The following NRG1 variants were observed in gnomAD, a reference collection of about 807,000 sequenced individuals.
The protein encoded by NRG1 is pro-neuregulin-1, membrane-bound isoform.
In NRG1, 18 loss-of-function variants were observed where a neutral mutation model predicts 63.8. The ratio of observed to expected loss-of-function variants is 0.28; its 90% CI spans 0.19 to 0.42. The LOEUF is 0.42. Among genes scored for constraint, NRG1 ranks in the 10% least tolerant of loss-of-function variants. The probability of loss-of-function intolerance (pLI) is 1.00; values close to 1 mark genes in which losing one functional copy is unlikely to be tolerated. For missense variants in NRG1, 762 were observed against 814.7 expected (o/e 0.94, Z 0.79); for synonymous variants, 302 against 301.3 (o/e 1.00, Z -0.02).
intron 1 of NRG1, among the ~76,000 whole-genome samples, chr8:32,560,772 A>G (rs1326660468): frequency 6.6e-6 from 1 of 152,226 alleles, no homozygotes; most frequent in African/African-American, 2.4e-5. Flanking sequence ...CTACCATTAA[A>G]ATATTTTGTT....
chr8:32,213,190 T>A (rs1198346178), intron 1 of NRG1, among the ~76,000 whole-genome samples: 1 of 152,058 alleles, frequency 6.6e-6, no homozygotes, highest in Non-Finnish European at 1.5e-5. Context: ...CTCTTCACAA[T>A]AGCAAAGACA....
intron 1 of NRG1, among the ~76,000 whole-genome samples, chr8:32,425,048 TCC>T (rs926107656): frequency 2.0e-5 from 3 of 152,224 alleles, no homozygotes; most frequent in Admixed American, 1.3e-4. Flanking sequence ...TTGTTTTAAG[TCC>T]TTTGCATATA....
chr8:31,685,411 T>C (rs961542327), intron 1 of NRG1, among the ~76,000 whole-genome samples: 11 of 152,212 alleles, frequency 7.2e-5, no homozygotes, highest in African/African-American at 2.7e-4. Flanking sequence ...ATATTTTGGT[T>C]AATTAGGGAT....
intron 1 of NRG1, among the ~76,000 whole-genome samples, chr8:31,706,059 G>T (rs1198883780): frequency 6.6e-6 from 1 of 152,096 alleles, no homozygotes; most frequent in African/African-American, 2.4e-5. Context: ...ACCTTAAATG[G>T]ATTGCATGTT....
At chr8:31,877,543 A>G (rs1485741624) in intron 1 of NRG1, among the ~76,000 whole-genome samples, 1 of 152,020 alleles carries the variant, frequency 6.6e-6, no homozygotes, top group African/African-American at 2.4e-5. Context: ...GTATATTTAC[A>G]TATATATTTT....
intron 1 of NRG1, among the ~76,000 whole-genome samples, chr8:31,919,003 G>A (rs1833661955): frequency 1.3e-5 from 2 of 152,140 alleles, no homozygotes; most frequent in Non-Finnish European, 2.9e-5. Context: ...GGTGTTTGTA[G>A]TATTATCTGA....
Position 32,196,100 on chromosome 8 carries a change from T to C in NRG1, c.38-399728T>C, listed in dbSNP as rs185689356. ...ACTATGTTAGTGCCTGTACAAATAA[T>C]GTGCAGTAAAAACAATGAGTGTGTG... On this transcript the variant is annotated intron_variant, in intron 1 of 10. Transcript: ENST00000519301. Among the ~76,000 whole-genome samples the C allele has an allele frequency of 4.1e-5, 6 of 148,116 alleles. No homozygotes were observed. The East Asian group carries it at 1.2e-3, about 29-fold the overall frequency.
intron 1 of NRG1, among the ~76,000 whole-genome samples, chr8:32,339,163 C>T (rs1803720805): frequency 6.6e-6 from 1 of 152,024 alleles, no homozygotes; most frequent in South Asian, 2.1e-4. Flanking sequence ...AGTTCCCTCT[C>T]CCTAAAGTGG....
At chr8:32,002,989 A>G (rs753788415) in intron 1 of NRG1, among the ~76,000 whole-genome samples, 1 of 151,996 alleles carries the variant, frequency 6.6e-6, no homozygotes, top group Non-Finnish European at 1.5e-5. Flanking sequence ...GTATGCTTGT[A>G]GCTGAACAAA....
rs118077521 is a variant in NRG1 at position 31,746,631 on chromosome 8, G to A, written c.37+107200G>A. ...TCAAAAAACTAAAAATAGAGCTACC[G>A]TATGATCCAGCAATCTCACTGCTGG... is the stretch of plus-strand genomic sequence containing the variant. On this transcript the variant is annotated intron_variant, in intron 1 of 10. Transcript: ENST00000519301. Among the ~76,000 whole-genome samples, 588 of 152,036 alleles carry A rather than the reference G, an allele frequency of 3.9e-3. 1 individual carries two copies. The highest frequency in any genetic ancestry group is 0.019 in the South Asian group (94 of 4,822).
At position 32,754,412 on chromosome 8, in the gene NRG1, C is replaced by T. The variant is rs780939614; in HGVS notation, c.732C>T (p.Thr244=). The T allele has an allele frequency of 2.4e-5, 38 of 1,613,686 alleles. 1 individual carries two copies. The highest frequency in any genetic ancestry group is 1.4e-4 in the South Asian group (13 of 91,046). ...ACCAGAAGAGAGTGCTGACCATAACCGGCATCTGCATCGCCCTCCTTGTGG... is the reference window on the plus strand; with the variant it reads ...ACCAGAAGAGAGTGCTGACCATAACTGGCATCTGCATCGCCCTCCTTGTGG... Residue 244 remains threonine, a synonymous_variant, in exon 8 of 12, where the codon ACC becomes ACT. Transcript: ENST00000356819.
intron 1 of NRG1, among the ~76,000 whole-genome samples, chr8:32,297,108 T>A (rs1854986548): frequency 6.6e-6 from 1 of 152,066 alleles, no homozygotes; most frequent in Admixed American, 6.6e-5. Context: ...AATGAGACGC[T>A]GTCTCAAAGA....
intron 1 of NRG1, among the ~76,000 whole-genome samples, chr8:31,972,391 C>CTTGG (rs1807440707): frequency 6.6e-6 from 1 of 152,142 alleles, no homozygotes; most frequent in South Asian, 2.1e-4. Context: ...ACTTTTATCT[C>CTTGG]CATATGTCGA....
chr8:32,488,470 C>CA (rs1330837873), intron 1 of NRG1, among the ~76,000 whole-genome samples: 3 of 152,084 alleles, frequency 2.0e-5, no homozygotes, highest in East Asian at 1.9e-4. Context: ...AAATACCCCC[C>CA]AAAATAGCTG....
chr8:32,157,381 G>T (rs964819348), intron 1 of NRG1, among the ~76,000 whole-genome samples: 2 of 134,800 alleles, frequency 1.5e-5, no homozygotes, highest in Admixed American at 7.5e-5. Flanking sequence ...AAAAAAAAAG[G>T]CCGGGCATGG....
chr8:32,255,015 C>A (rs1849531901), intron 1 of NRG1, among the ~76,000 whole-genome samples: 1 of 152,100 alleles, frequency 6.6e-6, no homozygotes, highest in South Asian at 2.1e-4. Context: ...AGGATTGCAA[C>A]CTCTGCTTTT....
intron 1 of NRG1, among the ~76,000 whole-genome samples, chr8:32,595,203 T>C (rs1843138965): frequency 6.6e-6 from 1 of 152,122 alleles, no homozygotes; most frequent in South Asian, 2.1e-4. Flanking sequence ...TTTTAATTTC[T>C]TTTTGAAACA....
intron 1 of NRG1, among the ~76,000 whole-genome samples, chr8:32,450,680 C>T (rs763742746): frequency 3.9e-5 from 6 of 152,038 alleles, no homozygotes; most frequent in Non-Finnish European, 7.4e-5. Flanking sequence ...CCTTCCAAAG[C>T]GCTGAGATTA....
chr8:31,931,937 CAG>C (rs1563582883), intron 1 of NRG1, among the ~76,000 whole-genome samples: 1 of 152,156 alleles, frequency 6.6e-6, no homozygotes, highest in African/African-American at 2.4e-5. Flanking sequence ...AGCTGGAAGA[CAG>C]GGAGGCAATT....
Sources: gnomAD v4.1 joint callset for allele counts (sites outside exome capture counted in the v4.1 genomes callset) on GRCh38, gnomAD v4.1.1 for gene constraint, MANE v1.5 for transcripts, NCBI Gene and HGNC (gene_info 2026-07-23, HGNC 2026-07-21) for gene names.